The following SPAG17 variants were observed in gnomAD, a reference collection of about 807,000 sequenced individuals.
The protein encoded by SPAG17 is sperm associated antigen 17, also known as sperm-associated antigen 17.
In SPAG17, 169 loss-of-function variants were observed where a neutral mutation model predicts 273.6. That is an observed-to-expected ratio of 0.62 (90% confidence interval 0.55 to 0.70). SPAG17 has a LOEUF of 0.70. Among genes scored for constraint, SPAG17 ranks in the 30% least tolerant of loss-of-function variants. The probability of loss-of-function intolerance (pLI) is 0.00; values close to 1 mark genes in which losing one functional copy is unlikely to be tolerated. For synonymous variants in SPAG17, 825 were observed against 873.2 expected, an observed-to-expected ratio of 0.94 and a Z score of 0.97; for missense variants, 2,557 against 2,627.8, an observed-to-expected ratio of 0.97 and a Z score of 0.59.
At chr1:118,013,408 G>A (rs146943705) in intron 29 of SPAG17, among the ~76,000 whole-genome samples, 146 of 152,184 alleles carry the variant, frequency 9.6e-4, no homozygotes, top group Non-Finnish European at 1.6e-3. Flanking sequence ...TCTTATCATT[G>A]GTGCTTTCAG....
chr1:118,128,381 A>G (rs566589288), intron 3 of SPAG17, among the ~76,000 whole-genome samples: 12 of 152,096 alleles, frequency 7.9e-5, no homozygotes, highest in African/African-American at 2.9e-4. Flanking sequence ...CAATTTTGAT[A>G]CCCTTTATTT....
At chr1:118,008,544 A>G (rs1435300322) in intron 30 of SPAG17, among the ~76,000 whole-genome samples, 3 of 152,218 alleles carry the variant, frequency 2.0e-5, no homozygotes, top group Non-Finnish European at 2.9e-5. Context: ...TAAAATTTAT[A>G]CTTTTTAATA....
At chr1:118,170,715 A>G (rs575024705) in intron 1 of SPAG17, among the ~76,000 whole-genome samples, 2 of 152,216 alleles carry the variant, frequency 1.3e-5, no homozygotes, top group African/African-American at 2.4e-5. Flanking sequence ...ACCCTGTTAC[A>G]TGGCTGACAA....
intron 32 of SPAG17, among the ~76,000 whole-genome samples, chr1:117,999,447 C>A (rs1042378825): frequency 5.3e-4 from 81 of 151,764 alleles, no homozygotes; most frequent in African/African-American, 1.8e-3. Context: ...CTCCCACCAA[C>A]TGTAAAAGTG....
chr1:117,964,669 T>C (rs1653585055), intron 47 of SPAG17: 1 of 152,216 alleles, frequency 6.6e-6, no homozygotes, highest in South Asian at 2.1e-4. Flanking sequence ...TCATTGTTTA[T>C]GGTTTACTTA....
chr1:118,052,052 AAT>A (rs1651104000), intron 20 of SPAG17, among the ~76,000 whole-genome samples: 1 of 137,934 alleles, frequency 7.2e-6, no homozygotes. Context: ...ATATAGTTAT[AAT>A]ATATAGTATA....
chr1:118,012,442 A>G, intron 29 of SPAG17, 70 bp from the exon 30 acceptor site: 8 of 1,518,678 alleles, frequency 5.3e-6, no homozygotes, highest in Non-Finnish European at 7.1e-6. Flanking sequence ...ATTTTTATCC[A>G]TTGAATACGA....
intron 19 of SPAG17, 56 bp downstream of exon 19, chr1:118,055,676 GA>G: frequency 7.4e-7 from 1 of 1,354,198 alleles, no homozygotes; most frequent in Non-Finnish European, 1.0e-6. Flanking sequence ...ATTAAATTAA[GA>G]GAGAGAAGAA....
chr1:117,981,488 A>G, intron 42 of SPAG17, 87 bp from the exon 43 acceptor site: 1 of 1,400,662 alleles, frequency 7.1e-7, no homozygotes, highest in Admixed American at 2.7e-5. Flanking sequence ...AACATTGAAG[A>G]AGGTGTTTTA....
chr1:118,040,829 T>G lies in SPAG17; in HGVS notation c.3067A>C (p.Asn1023His). 1 of 1,574,182 alleles carries G rather than the reference T, an allele frequency of 6.4e-7. No individual in the cohort carries two copies. Among genetic ancestry groups the G allele is most frequent in the Non-Finnish European group, 8.7e-7 (1 of 1,143,206 alleles). ...ATTTGAGTGGGTATATTTCCCATAT[T>G]GTATCCGTGAAACTAGAAGAGAAAA... is the stretch of plus-strand genomic sequence containing the variant. Reference protein sequence around the residue: ...PKITYPFHGYNMGNIPTQISG... With the variant: ...PKITYPFHGYHMGNIPTQISG... Residue 1023 changes from asparagine to histidine, a missense_variant, in exon 22 of 49, where the codon AAT becomes CAT. Transcript: ENST00000336338.
chr1:118,092,668 C>T (rs2102193990), intron 8 of SPAG17, among the ~76,000 whole-genome samples: 1 of 152,306 alleles, frequency 6.6e-6, no homozygotes, highest in East Asian at 1.9e-4. Flanking sequence ...CCTCTCTTTG[C>T]TCTACTCCTG....
At chr1:117,995,463 A>G (rs934835195) in intron 34 of SPAG17, among the ~76,000 whole-genome samples, 13 of 152,068 alleles carry the variant, frequency 8.5e-5, no homozygotes, top group Non-Finnish European at 1.6e-4. Flanking sequence ...GGTTAGTTAA[A>G]TGACTAACAA....
chr1:118,184,654 G>A (rs947886364), intron 1 of SPAG17, among the ~76,000 whole-genome samples: 3 of 152,154 alleles, frequency 2.0e-5, no homozygotes, highest in Non-Finnish European at 4.4e-5. Flanking sequence ...TTTTCACTCA[G>A]CATTTATTAA....
chr1:118,163,302 A>G (rs1325060741), intron 1 of SPAG17, among the ~76,000 whole-genome samples: 1 of 152,132 alleles, frequency 6.6e-6, no homozygotes, highest in Non-Finnish European at 1.5e-5. Context: ...CCTGTGTCTT[A>G]GGAAAAGCCT....
chr1:118,154,549 A>G (rs1436143068), intron 1 of SPAG17, among the ~76,000 whole-genome samples: 2 of 152,194 alleles, frequency 1.3e-5, no homozygotes, highest in Non-Finnish European at 2.9e-5. Context: ...TGTTTCTCTT[A>G]GTATTTCAGG....
At chr1:118,159,360 A>G (rs2102367511) in intron 1 of SPAG17, among the ~76,000 whole-genome samples, 1 of 152,276 alleles carries the variant, frequency 6.6e-6, no homozygotes, top group Non-Finnish European at 1.5e-5. Flanking sequence ...GGTAGTGTCA[A>G]ATTCTGCCTC....
chr1:118,097,551 C>G (rs1408541128), intron 7 of SPAG17, 119 bp downstream of exon 7: 4 of 643,012 alleles, frequency 6.2e-6, no homozygotes, highest in Non-Finnish European at 9.7e-6. Flanking sequence ...GATAAAAGAG[C>G]CTAGCTCAAT....
At chr1:118,157,963 TG>T (rs961338462) in intron 1 of SPAG17, among the ~76,000 whole-genome samples, 16 of 152,264 alleles carry the variant, frequency 1.1e-4, no homozygotes, top group African/African-American at 3.9e-4. Context: ...GAAGAACTTA[TG>T]GGAGACCCAG....
At chr1:118,088,453 GATATA>G (rs1406474984) in intron 10 of SPAG17, among the ~76,000 whole-genome samples, 1 of 152,046 alleles carries the variant, frequency 6.6e-6, no homozygotes, top group Non-Finnish European at 1.5e-5. Flanking sequence ...ATCATTTATT[GATATA>G]ATAAAACTAT....
Sources: gnomAD v4.1 joint callset for allele counts (sites outside exome capture counted in the v4.1 genomes callset) on GRCh38, gnomAD v4.1.1 for gene constraint, MANE v1.5 for transcripts, NCBI Gene and HGNC (gene_info 2026-07-23, HGNC 2026-07-21) for gene names.